The following TENM2 variants were observed in gnomAD, a reference collection of about 807,000 sequenced individuals.
TENM2 encodes teneurin transmembrane protein 2.
A neutral mutation model predicts 245.2 loss-of-function variants in TENM2; 52 were observed. That is an observed-to-expected ratio of 0.21 (90% confidence interval 0.17 to 0.27). The LOEUF (loss-of-function observed/expected upper bound fraction) is 0.27, where lower values mean the gene tolerates loss of function less well. Ranked by LOEUF, TENM2 falls within the 10% of genes least tolerant of loss-of-function variation. The probability of loss-of-function intolerance (pLI) is 1.00; values close to 1 mark genes in which losing one functional copy is unlikely to be tolerated. For synonymous variants in TENM2, 1,363 were observed against 1,438.9 expected (o/e 0.95, Z 1.19); for missense variants, 3,046 against 3,666.8 (o/e 0.83, Z 4.37).
At chr5:167,768,245 A>C (rs1007733016) in intron 2 of TENM2, among the ~76,000 whole-genome samples, 1 of 152,122 alleles carries the variant, frequency 6.6e-6, no homozygotes. Flanking sequence ...TGGCTTCCAC[A>C]TAAGTAGATA....
intron 20 of TENM2, among the ~76,000 whole-genome samples, chr5:168,214,351 G>A (rs1351461656): frequency 1.3e-5 from 2 of 152,206 alleles, no homozygotes; most frequent in South Asian, 2.1e-4. Flanking sequence ...CTGGCAGACC[G>A]TGGCTCACGC....
chr5:168,140,000 G>A (rs1451241732), intron 12 of TENM2, among the ~76,000 whole-genome samples: 1 of 152,232 alleles, frequency 6.6e-6, no homozygotes, highest in Non-Finnish European at 1.5e-5. Context: ...CCACCCATCT[G>A]TGACTACTGA....
At chr5:167,998,386 A>G (rs1487435574) in intron 5 of TENM2, among the ~76,000 whole-genome samples, 1 of 152,178 alleles carries the variant, frequency 6.6e-6, no homozygotes, top group African/African-American at 2.4e-5. Flanking sequence ...CTTAAAAGGC[A>G]TCGAAGTTCT....
chr5:167,426,546 C>CA (rs59491444), intron 2 of TENM2, among the ~76,000 whole-genome samples: 27,490 of 102,184 alleles, frequency 0.27, 3,487 homozygotes, highest in African/African-American at 0.33. Flanking sequence ...CTTGCCTTTA[C>CA]AAAAAAAAAA....
intron 4 of TENM2, among the ~76,000 whole-genome samples, chr5:167,981,768 G>A (rs529299589): frequency 9.2e-5 from 14 of 152,308 alleles, no homozygotes; most frequent in Non-Finnish European, 1.9e-4. Flanking sequence ...GAGGTCAGGA[G>A]TTCAAGACCA....
chr5:167,434,087 C>G (rs151318201), intron 2 of TENM2, among the ~76,000 whole-genome samples: 174 of 152,128 alleles, frequency 1.1e-3, no homozygotes, highest in African/African-American at 4.1e-3. Flanking sequence ...CTTAATATAA[C>G]TCTTATTAAA....
intron 1 of TENM2, among the ~76,000 whole-genome samples, chr5:167,300,350 G>A (rs1027319226): frequency 1.3e-5 from 2 of 152,170 alleles, no homozygotes; most frequent in African/African-American, 2.4e-5. Context: ...GTCAGTCCAA[G>A]TGAAAGCGAA....
chr5:167,116,607 C>G, the TENM2 span: 3 of 152,070 alleles, frequency 2.0e-5, no homozygotes, highest in Non-Finnish European at 4.4e-5. Flanking sequence ...TTTGGGTAGC[C>G]TGGCTCGGGA....
the TENM2 span, among the ~76,000 whole-genome samples, chr5:167,014,351 C>T: frequency 6.6e-6 from 1 of 152,156 alleles, no homozygotes; most frequent in East Asian, 1.9e-4. Context: ...GAAAAACAAA[C>T]AAAACAAAAG....
chr5:168,023,710 GC>G (rs1240178748), intron 5 of TENM2, among the ~76,000 whole-genome samples: 3 of 152,206 alleles, frequency 2.0e-5, no homozygotes, highest in Non-Finnish European at 4.4e-5. Context: ...GTATGCAGAT[GC>G]AAGCAAACCT....
At chr5:167,949,476 T>C (rs1779906843) in intron 3 of TENM2, among the ~76,000 whole-genome samples, 1 of 152,208 alleles carries the variant, frequency 6.6e-6, no homozygotes, top group Non-Finnish European at 1.5e-5. Flanking sequence ...GTCTTATCCA[T>C]CCTTTCATCC....
chr5:167,653,097 C>G, intron 2 of TENM2: 1 of 151,976 alleles, frequency 6.6e-6, no homozygotes, highest in East Asian at 1.9e-4. Flanking sequence ...TAGTGGTATG[C>G]TAACAATACA....
chr5:167,462,277 CAGGT>C (rs1353135367), intron 2 of TENM2, among the ~76,000 whole-genome samples: 1 of 144,678 alleles, frequency 6.9e-6, no homozygotes, highest in African/African-American at 2.6e-5. Flanking sequence ...AGCATGCAGA[CAGGT>C]AGGTGCAGGA....
intron 2 of TENM2, among the ~76,000 whole-genome samples, chr5:167,626,979 C>T (rs1778552100): frequency 6.6e-6 from 1 of 152,180 alleles, no homozygotes; most frequent in Non-Finnish European, 1.5e-5. Context: ...CTCCCTTTTA[C>T]CCAGAGGCTT....
chr5:167,273,692 C>G, the TENM2 span, among the ~76,000 whole-genome samples: 1 of 152,038 alleles, frequency 6.6e-6, no homozygotes, highest in African/African-American at 2.4e-5. Flanking sequence ...TACCAAAACT[C>G]ACAAATATAA....
chr5:167,913,851 G>T (rs1227098236), intron 3 of TENM2, among the ~76,000 whole-genome samples: 1 of 152,168 alleles, frequency 6.6e-6, no homozygotes, highest in East Asian at 1.9e-4. Flanking sequence ...AATTTCTATT[G>T]CCTCTGTCTT....
chr5:167,573,348 T>G (rs1353437665), intron 2 of TENM2, among the ~76,000 whole-genome samples: 1 of 152,164 alleles, frequency 6.6e-6, no homozygotes, highest in Non-Finnish European at 1.5e-5. Flanking sequence ...ATCTCAGTTT[T>G]CAAACCTGGG....
In TENM2 at chr5:168,173,673, G is replaced by A. The variant is rs369452117; in HGVS notation, c.2569+10916G>A. On this transcript the variant is annotated intron_variant, in intron 13 of 28. Coordinates refer to ENST00000518659, the Ensembl canonical transcript of TENM2. ...TACCAAGCCCCCACTCTGTGGCAGG[G>A]CATGTGAATGAATAAGACTCAAACT... 5.9e-5 allele frequency among the ~76,000 whole-genome samples: 9 copies of A among 152,206 alleles called. No homozygotes were observed. The East Asian group carries it at 7.7e-4, about 13-fold the overall frequency.
At chr5:168,207,747 T>C (rs1388822761) in intron 19 of TENM2, among the ~76,000 whole-genome samples, 2 of 152,150 alleles carry the variant, frequency 1.3e-5, no homozygotes, top group African/African-American at 2.4e-5. Context: ...CTATCTCGCT[T>C]ACCCACCCCG....
Sources: allele counts gnomAD v4.1 joint callset (sites outside exome capture counted in the v4.1 genomes callset), GRCh38; gene constraint gnomAD v4.1.1; transcripts MANE v1.5; gene names NCBI Gene and HGNC (gene_info 2026-07-23, HGNC 2026-07-21).